The following CASP8 variants were observed in gnomAD, a reference collection of about 807,000 sequenced individuals.
CASP8 encodes caspase 8.
Under a neutral mutation model 46.3 loss-of-function variants are expected in CASP8, and 24 were observed. That is an observed-to-expected ratio of 0.52 (90% CI 0.38 to 0.73). The LOEUF (loss-of-function observed/expected upper bound fraction) is 0.73. CASP8 is among the 30% of genes least tolerant of loss of function. The probability of loss-of-function intolerance (pLI) is 0.00; values close to 1 mark genes in which losing one functional copy is unlikely to be tolerated. For synonymous variants in CASP8, 188 were observed against 200.4 expected (o/e 0.94, Z 0.52); for missense variants, 460 against 559.0 (o/e 0.82, Z 1.79).
intron 2 of CASP8, among the ~76,000 whole-genome samples, chr2:201,244,738 G>A (rs887952439): frequency 6.6e-6 from 1 of 152,088 alleles, no homozygotes; most frequent in Non-Finnish European, 1.5e-5. Flanking sequence ...GATGAAGAGG[G>A]TTACTGTCTC....
chr2:201,239,390 CG>C (rs1559327798), intron 2 of CASP8, among the ~76,000 whole-genome samples: 1 of 152,148 alleles, frequency 6.6e-6, no homozygotes, highest in African/African-American at 2.4e-5. Flanking sequence ...GCTGGCCGGG[CG>C]GGGGGCTGAC....
chr2:201,268,909 T>TGTGTGTGTG (rs1363930678), intron 2 of CASP8, among the ~76,000 whole-genome samples: 1 of 131,534 alleles, frequency 7.6e-6, no homozygotes, highest in Non-Finnish European at 1.6e-5. Context: ...GGCCTCATCT[T>TGTGTGTGTG]TGTGTGTGTG....
chr2:201,247,675 C>T (rs1004673343), intron 2 of CASP8, among the ~76,000 whole-genome samples: 20 of 150,298 alleles, frequency 1.3e-4, no homozygotes, highest in East Asian at 2.0e-4. Flanking sequence ...GATGGAGTCT[C>T]GCTCTGTTGC....
At position 201,244,836 on chromosome 2, in the gene CASP8, G is replaced by A. The variant is rs73047433; in HGVS notation, c.-27+10724G>A. 2.7e-3 allele frequency among the ~76,000 whole-genome samples: 405 copies of A among 152,280 alleles called. 1 individual carries two copies. Among genetic ancestry groups the A allele is most frequent in the African/African-American group, 9.4e-3 (392 of 41,562 alleles). ...TGAAGGGGGTGGGGGGCCCTTGTAG[G>A]GTTCCCCAGAGAGACTGAGGCTGTG... On this transcript the variant is annotated intron_variant, in intron 2 of 6. Transcript: ENST00000264274.
At chr2:201,282,829 C>G (rs1949187971) in intron 7 of CASP8, among the ~76,000 whole-genome samples, 2 of 87,660 alleles carry the variant, frequency 2.3e-5, no homozygotes, top group Non-Finnish European at 5.6e-5. Context: ...CTGACCCCCC[C>G]ACCTCCCTCC....
In CASP8 at chr2:201,285,012, C is replaced by G. The variant is rs748273725; in HGVS notation, c.999C>G (p.Ile333Met). Residue 333 changes from isoleucine to methionine, a missense_variant, in exon 8 of 9, where the codon ATC (isoleucine) becomes ATG (methionine). Ile to Met is a conservative substitution (Grantham distance 10, BLOSUM62 1). Coordinates refer to ENST00000673742, the MANE Select transcript of CASP8 (RefSeq NM_001372051.1). ...GCACTGATGGACAGGAGGCCCCCAT[C>G]TATGAGCTGACATCTCAGTTCACTG... ...IYGTDGQEAP[I>M]YELTSQFTGL... The G allele has an allele frequency of 1.2e-6, 2 of 1,614,236 alleles. No homozygotes were observed. The highest frequency in any genetic ancestry group is 1.7e-6 in the Non-Finnish European group (2 of 1,180,036).
At chr2:201,276,794 A>T (rs748839977) in intron 6 of CASP8, 33 bp from the exon 7 acceptor site, 4 of 1,613,746 alleles carry the variant, frequency 2.5e-6, no homozygotes, top group Non-Finnish European at 3.4e-6. Context: ...TGACCCACAG[A>T]GTCAGCTCCT....
chr2:201,242,559 G>T (rs1332587285), intron 2 of CASP8: 1 of 152,110 alleles, frequency 6.6e-6, no homozygotes, highest in Non-Finnish European at 1.5e-5. Context: ...ACACATAGGG[G>T]ATTAGGTTTC....
In CASP8 at chr2:201,287,461, T is replaced by C. The variant is rs1949610803; in HGVS notation, c.*867T>C. 1 of 154,772 alleles carries C rather than the reference T, an allele frequency of 6.5e-6. No homozygotes were observed. The highest frequency in any genetic ancestry group is 1.5e-5 in the Non-Finnish European group (1 of 68,222). 9.6% of individuals were successfully genotyped at this position (154,772 alleles called of 1,614,324 possible). A position where few individuals can be genotyped will look rare whatever the true frequency, so the allele number is the denominator to read the frequency against. ...AAATCTTTTAAAAATTCAAATGATT[T>C]TTACAAGTTTTAAATAAGCTCTCCC... On this transcript the variant is annotated 3_prime_UTR_variant, in exon 9 of 9. Transcript: ENST00000673742.
intron 2 of CASP8, among the ~76,000 whole-genome samples, chr2:201,267,603 C>T (rs1293936615): frequency 6.6e-6 from 1 of 152,168 alleles, no homozygotes; most frequent in African/African-American, 2.4e-5. Flanking sequence ...GAGAGAGAAA[C>T]CCCATTCAGT....
At chr2:201,240,713 A>G (rs559331447) in intron 2 of CASP8, 4 of 152,366 alleles carry the variant, frequency 2.6e-5, no homozygotes, top group African/African-American at 7.2e-5. Context: ...TCCACCCTAC[A>G]GCAGTAGAAC....
rs1237768367 is a variant in CASP8 at position 201,287,124 on chromosome 2, A to G, written c.*530A>G. ...TACCAGACACGTACAAAATCCAGCT[A>G]TGAATATAGAGGGCTTATGATTCAG... On this transcript the variant is annotated 3_prime_UTR_variant, in exon 9 of 9. Transcript: ENST00000673742. The G allele has an allele frequency of 5.9e-6, 1 of 170,530 alleles. No individual in the cohort carries two copies. The highest frequency in any genetic ancestry group is 1.3e-5 in the Non-Finnish European group (1 of 77,252). 10.6% of individuals were successfully genotyped at this position (170,530 alleles called of 1,614,324 possible).
At chr2:201,274,826 T>G in intron 5 of CASP8, 63 bp from the exon 6 acceptor site, 1 of 1,248,956 alleles carries the variant, frequency 8.0e-7, no homozygotes. Context: ...TGCTACATAT[T>G]TCATTACCAG....
rs757665080 is a variant in CASP8, at chr2:201,285,269, C to A, written c.1256C>A (p.Thr419Asn). 6.2e-7 allele frequency: 1 copy of A among 1,614,144 alleles called. No individual in the cohort carries two copies. Among genetic ancestry groups the A allele is most frequent in the African/African-American group, 1.3e-5 (1 of 75,042 alleles). ...CVSYRNPAEGTWYIQSLCQSL... is the reference protein window; with the variant it reads ...CVSYRNPAEGNWYIQSLCQSL... ...TCCTACCGAAACCCTGCAGAGGGAACCTGGTACATCCAGTCACTTTGCCAG... is the reference window on the plus strand; with the variant it reads ...TCCTACCGAAACCCTGCAGAGGGAAACTGGTACATCCAGTCACTTTGCCAG... Residue 419 changes from threonine to asparagine, a missense_variant, in exon 8 of 9, where the codon ACC becomes AAC. Coordinates refer to ENST00000673742, the MANE Select transcript of CASP8 (RefSeq NM_001372051.1).
chr2:201,275,501 G>A (rs559332406), intron 6 of CASP8, among the ~76,000 whole-genome samples: 25 of 152,240 alleles, frequency 1.6e-4, no homozygotes, highest in African/African-American at 5.8e-4. Flanking sequence ...CTTATTAGAC[G>A]ATCTGCTCCT....
chr2:201,266,873 G>A lies in CASP8; in HGVS notation c.305+82G>A. 3 of 1,023,618 alleles carry A rather than the reference G, an allele frequency of 2.9e-6. No individual in the cohort carries two copies. Among genetic ancestry groups the A allele is most frequent in the Non-Finnish European group, 4.3e-6 (3 of 698,422 alleles). The allele number at this position is 1,023,618 out of a possible 1,614,324, so 63.4% of individuals were successfully genotyped here. On this transcript the variant is annotated intron_variant, in intron 2 of 8. Coordinates refer to ENST00000673742, the MANE Select transcript of CASP8 (RefSeq NM_001372051.1). The surrounding 1 kb of genome is among the most constrained non-coding windows in gnomAD (Gnocchi z 5.7). ...GAGCTGATTGGGGCTTTTTTTTGTG[G>A]TACCCTGCCTAGTGCCTGGGAACCC...
chr2:201,276,000 G>C lies in CASP8; in HGVS notation c.661-827G>C, dbSNP rs139792739. 4.2e-4 allele frequency among the ~76,000 whole-genome samples: 64 copies of C among 152,192 alleles called. 1 individual carries two copies. Among genetic ancestry groups the C allele is most frequent in the Admixed American group, 1.3e-3 (20 of 15,290 alleles). On this transcript the variant is annotated intron_variant, in intron 6 of 8. Transcript: ENST00000673742. ...ACTTAATCAAATATTTAATATCTTA[G>C]AGTTAACATATTAAGATAACAGGTT... is the stretch of plus-strand genomic sequence containing the variant.
chr2:201,264,127 C>T (rs1947623873), intron 1 of CASP8, among the ~76,000 whole-genome samples: 1 of 152,208 alleles, frequency 6.6e-6, no homozygotes, highest in Non-Finnish European at 1.5e-5. Flanking sequence ...ATTGATCTTC[C>T]TATTCTTTCT....
At chr2:201,267,230 G>A (rs1296000142) in intron 2 of CASP8, among the ~76,000 whole-genome samples, 1 of 151,918 alleles carries the variant, frequency 6.6e-6, no homozygotes, top group Non-Finnish European at 1.5e-5. Flanking sequence ...CTCTTATCTT[G>A]ATGCCTCTCG....
Sources: allele counts gnomAD v4.1 joint callset (sites outside exome capture counted in the v4.1 genomes callset), GRCh38; gene constraint gnomAD v4.1.1; non-coding constraint Gnocchi (gnomAD v3.1); transcripts MANE v1.5; gene names NCBI Gene and HGNC (gene_info 2026-07-23, HGNC 2026-07-21).